CIROP: variants seen among roughly 807,000 people sequenced by gnomAD.
The protein encoded by CIROP is leishmanolysin homolog.
the CIROP span, chr14:23,102,517 G>A: frequency 1.4e-6 from 1 of 699,096 alleles, no homozygotes; most frequent in Non-Finnish European, 2.6e-6. Context: ...GGCAGTACGA[G>A]GAGAGGAAAA....
chr14:23,101,425 G>A, the CIROP span: 2 of 595,744 alleles, frequency 3.4e-6, no homozygotes, highest in South Asian at 4.1e-5. Context: ...TGGGGTAAGA[G>A]AAGGATGCCT....
chr14:23,101,751 T>C, the CIROP span: 1 of 702,886 alleles, frequency 1.4e-6, no homozygotes, highest in Non-Finnish European at 2.6e-6. Context: ...GTGCAGGTAG[T>C]GGCAGCCCAG....
the CIROP span, chr14:23,103,615 C>T: frequency 1.5e-6 from 1 of 679,130 alleles, no homozygotes; most frequent in East Asian, 2.7e-5. Context: ...CCCTAACCCT[C>T]CTCATGAGAT....
chr14:23,101,713 G>T, the CIROP span: 1 of 702,968 alleles, frequency 1.4e-6, no homozygotes, highest in Non-Finnish European at 2.6e-6. Context: ...TCCAGCATGG[G>T]GTCTGAGGAG....
chr14:23,103,750 T>G, the CIROP span: 10 of 702,936 alleles, frequency 1.4e-5, no homozygotes, highest in Admixed American at 1.0e-4. Flanking sequence ...CAGGCCCATC[T>G]GGCTGGACCA....
At chr14:23,102,860 A>C in the CIROP span, 1 of 624,836 alleles carries the variant, frequency 1.6e-6, no homozygotes, top group Non-Finnish European at 2.9e-6. Context: ...TTAATGGGAA[A>C]CTGAGTAACC....
At chr14:23,103,176 G>C in the CIROP span, 6,934 of 428,740 alleles carry the variant, frequency 0.016, 727 homozygotes, top group East Asian at 0.21. Flanking sequence ...GGTATCAAGG[G>C]ATGGCTGTGG....
the CIROP span, among the ~76,000 whole-genome samples, chr14:23,104,015 C>T: frequency 7.9e-5 from 12 of 152,286 alleles, no homozygotes; most frequent in East Asian, 3.9e-4. Context: ...GAATCTACAT[C>T]GTTAAGCACA....
the CIROP span, chr14:23,099,287 CCTCCCTT>C: frequency 2.4e-6 from 1 of 413,494 alleles, no homozygotes; most frequent in Non-Finnish European, 4.4e-6. Flanking sequence ...CAACATCACA[CCTCCCTT>C]ATTCCTCTAA....
the CIROP span, chr14:23,104,376 T>C: frequency 1.4e-6 from 1 of 702,864 alleles, no homozygotes; most frequent in South Asian, 1.5e-5. Flanking sequence ...GTCAACGACG[T>C]GAACTCACCT....
At chr14:23,099,557 CTTTTT>C in the CIROP span, 232 of 308,062 alleles carry the variant, frequency 7.5e-4, no homozygotes, top group East Asian at 8.9e-4. Context: ...GCGGCATTAC[CTTTTT>C]TTTTTTTTTT....
At chr14:23,101,884 G>T in the CIROP span, 2 of 702,512 alleles carry the variant, frequency 2.8e-6, no homozygotes, top group East Asian at 5.4e-5. Flanking sequence ...CCCACATGTG[G>T]TCACCAAGCC....
the CIROP span, chr14:23,103,677 C>T: frequency 1.1e-5 from 8 of 702,228 alleles, no homozygotes; most frequent in Non-Finnish European, 2.1e-5. Flanking sequence ...AACTTCACCT[C>T]TTGGTGGCAC....
the CIROP span, chr14:23,101,940 C>T: frequency 1.4e-6 from 1 of 701,542 alleles, no homozygotes; most frequent in Non-Finnish European, 2.6e-6. Context: ...GGAAAGAGAG[C>T]CCTCAGCAAA....
the CIROP span, chr14:23,104,539 T>A: frequency 2.8e-6 from 2 of 702,352 alleles, no homozygotes; most frequent in African/African-American, 1.7e-5. Flanking sequence ...TGGGCTGATC[T>A]TCCTCCCCTG....
At chr14:23,102,542 A>C in the CIROP span, 2 of 699,622 alleles carry the variant, frequency 2.9e-6, no homozygotes, top group Non-Finnish European at 5.2e-6. Flanking sequence ...GGAAGGGTGA[A>C]GTAAAATTAG....
chr14:23,101,484 A>G, the CIROP span: 2 of 608,640 alleles, frequency 3.3e-6, no homozygotes, highest in South Asian at 1.9e-5. Context: ...CAAAGAAGCA[A>G]CGGCTCTGGG....
chr14:23,101,655 T>C, the CIROP span: 2 of 703,040 alleles, frequency 2.8e-6, no homozygotes, highest in South Asian at 3.0e-5. Context: ...TTGTCTGCTC[T>C]CTTATCTACT....
the CIROP span, chr14:23,103,766 G>T: frequency 4.3e-6 from 3 of 702,982 alleles, no homozygotes; most frequent in South Asian, 3.0e-5. Context: ...GACCAGTTGT[G>T]GGGGACCCTG....
Sources: gnomAD v4.1 joint callset for allele counts (sites outside exome capture counted in the v4.1 genomes callset) on GRCh38, gnomAD v4.1.1 for gene constraint, MANE v1.5 for transcripts, NCBI Gene and HGNC (gene_info 2026-07-23, HGNC 2026-07-21) for gene names.